PCDHA10: variants seen among roughly 807,000 people sequenced by gnomAD.
PCDHA10 encodes the protein protocadherin alpha-10.
A neutral mutation model predicts 61.2 loss-of-function variants in PCDHA10; 45 were observed. The observed-to-expected ratio is 0.74, with a 90% CI of 0.58 to 0.94. The LOEUF (loss-of-function observed/expected upper bound fraction) is 0.94. Ranked by LOEUF, PCDHA10 falls within the 40% of genes least tolerant of loss-of-function variation. The probability of loss-of-function intolerance (pLI) is 0.00; values close to 1 mark genes in which losing one functional copy is unlikely to be tolerated. For synonymous variants in PCDHA10, 602 were observed against 548.8 expected (o/e 1.10, Z -1.35); for missense variants, 1,278 against 1,236.2 (o/e 1.03, Z -0.51).
chr5:140,968,859 C>T, intron 1 of PCDHA10: 1 of 1,614,184 alleles, frequency 6.2e-7, no homozygotes, highest in Non-Finnish European at 8.5e-7. Context: ...GTTAAGAGCC[C>T]TCGGACATAC....
At chr5:140,869,275 G>T in intron 1 of PCDHA10, 1 of 1,613,584 alleles carries the variant, frequency 6.2e-7, no homozygotes, top group Non-Finnish European at 8.5e-7. Context: ...GGAGCTGGCG[G>T]AGCTGGTGCA....
At chr5:140,967,051 G>T in intron 1 of PCDHA10, 12 of 1,612,562 alleles carry the variant, frequency 7.4e-6, no homozygotes, top group Non-Finnish European at 9.3e-6. Context: ...TGGACCTGAC[G>T]AGTGGAGCGC....
Position 140,856,254 on chromosome 5 carries a change from G to C in PCDHA10, c.206G>C (p.Arg69Thr), listed in dbSNP as rs1554148458. 6.9e-6 allele frequency: 11 copies of C among 1,598,144 alleles called. No homozygotes were observed. Among genetic ancestry groups the C allele is most frequent in the Admixed American group, 1.7e-5 (1 of 59,266 alleles). ...CGCCTGTTCCGGGTGGCGTCCAAAA[G>C]ACACGGGGACCTTCTGGAGGTAAAT... ...VQRLFRVASK[R>T]HGDLLEVNLQ... Residue 69 changes from arginine to threonine, a missense_variant, in exon 1 of 4, where the codon AGA (arginine) becomes ACA (threonine). Transcript: ENST00000307360.
chr5:140,915,744 G>A (rs2077291791), intron 1 of PCDHA10, among the ~76,000 whole-genome samples: 1 of 151,896 alleles, frequency 6.6e-6, no homozygotes, highest in South Asian at 2.1e-4. Flanking sequence ...CAGACCTATA[G>A]CCAGCACAGC....
At chr5:140,870,070 G>T (rs1554163779) in intron 1 of PCDHA10, 1 of 1,613,880 alleles carries the variant, frequency 6.2e-7, no homozygotes, top group Admixed American at 1.7e-5. Flanking sequence ...ACAGGCTACA[G>T]ATAAGGGGAC....
At chr5:140,863,181 C>T (rs782813569) in intron 1 of PCDHA10, 5 of 753,966 alleles carry the variant, frequency 6.6e-6, no homozygotes, top group Non-Finnish European at 1.1e-5. Flanking sequence ...CTGCCACCGT[C>T]ACCGTGGTGG....
chr5:140,863,178 C>G (rs1420894530), intron 1 of PCDHA10: 3 of 736,630 alleles, frequency 4.1e-6, no homozygotes, highest in African/African-American at 3.6e-5. Flanking sequence ...TGACTGCCAC[C>G]GTCACCGTGG....
chr5:140,897,885 C>G (rs1554187646), intron 1 of PCDHA10, among the ~76,000 whole-genome samples: 1 of 152,182 alleles, frequency 6.6e-6, no homozygotes, highest in Non-Finnish European at 1.5e-5. Context: ...GCCATTCTAA[C>G]TGGTGTGAGA....
At chr5:140,975,120 C>CT (rs140169299) in intron 1 of PCDHA10, among the ~76,000 whole-genome samples, 5 of 152,258 alleles carry the variant, frequency 3.3e-5, no homozygotes, top group African/African-American at 1.2e-4. Flanking sequence ...TGTTTTCCTA[C>CT]TTACTATTGG....
Position 140,887,400 on chromosome 5 carries a change from A to G in PCDHA10, c.2388+28964A>G, listed in dbSNP as rs563892577. Among the ~76,000 whole-genome samples, 411 of 152,184 alleles carry G rather than the reference A, an allele frequency of 2.7e-3. 1 individual carries two copies. The highest frequency in any genetic ancestry group is 4.5e-3 in the Non-Finnish European group (305 of 68,000). On this transcript the variant is annotated intron_variant, in intron 1 of 3. Transcript: ENST00000307360. ...TGTGAGCCACCGCGCCCGGCTCTTT[A>G]TCTCATTTTTATTTTTGAAAAAGTA...
intron 1 of PCDHA10, chr5:140,876,229 GA>G: frequency 1.9e-6 from 3 of 1,613,978 alleles, no homozygotes; most frequent in Non-Finnish European, 2.5e-6. Context: ...AGTGTTGTCT[GA>G]AAATGTCCAA....
At chr5:140,884,129 C>T (rs1554181252) in intron 1 of PCDHA10, 1 of 1,613,420 alleles carries the variant, frequency 6.2e-7, no homozygotes, top group Non-Finnish European at 8.5e-7. Context: ...CGCGCGCATC[C>T]CGTTCCGCGT....
intron 1 of PCDHA10, among the ~76,000 whole-genome samples, chr5:140,891,205 A>G (rs561238636): frequency 3.3e-5 from 5 of 152,120 alleles, no homozygotes; most frequent in African/African-American, 1.2e-4. Context: ...CAGTTTTACC[A>G]TGCTGTGTCT....
At chr5:140,864,170 G>A (rs1301709115) in intron 1 of PCDHA10, 1 of 152,166 alleles carries the variant, frequency 6.6e-6, no homozygotes, top group Non-Finnish European at 1.5e-5. Context: ...TTACCGGAAG[G>A]ATCATGATGA....
intron 1 of PCDHA10, chr5:140,883,939 C>T (rs782266148): frequency 6.2e-7 from 1 of 1,613,422 alleles, no homozygotes; most frequent in Non-Finnish European, 8.5e-7. Context: ...TCGTGCTGGA[C>T]GAGAACGACA....
At chr5:140,861,404 G>A in intron 1 of PCDHA10, 2 of 468,962 alleles carry the variant, frequency 4.3e-6, no homozygotes, top group East Asian at 5.7e-5. Flanking sequence ...AGCTTGTGGA[G>A]CTGATACCGC....
chr5:140,927,688 G>T (rs2084510856), intron 1 of PCDHA10: 1 of 1,613,944 alleles, frequency 6.2e-7, no homozygotes, highest in African/African-American at 1.3e-5. Flanking sequence ...AGGGTCCAAT[G>T]GGGAAGTCCA....
At chr5:140,888,703 G>C (rs547593291) in intron 1 of PCDHA10, among the ~76,000 whole-genome samples, 1 of 152,180 alleles carries the variant, frequency 6.6e-6, no homozygotes, top group Admixed American at 6.5e-5. Context: ...TGATTGGTAG[G>C]AATGTGAAAT....
intron 1 of PCDHA10, chr5:140,861,473 T>A: frequency 2.0e-6 from 1 of 491,574 alleles, no homozygotes; most frequent in Non-Finnish European, 4.2e-6. Context: ...ATCTGCAGAA[T>A]GGCATTTTTG....
Sources: allele counts gnomAD v4.1 joint callset (sites outside exome capture counted in the v4.1 genomes callset), GRCh38; gene constraint gnomAD v4.1.1; transcripts MANE v1.5; gene names NCBI Gene and HGNC (gene_info 2026-07-23, HGNC 2026-07-21).